Variants in DCLRE1C observed in about 807,000 individuals in gnomAD.
DCLRE1C encodes protein artemis.
Under a neutral mutation model 61.4 loss-of-function variants are expected in DCLRE1C, and 47 were observed. The ratio of observed to expected loss-of-function variants is 0.77; its 90% CI spans 0.61 to 0.98. The LOEUF (loss-of-function observed/expected upper bound fraction) is 0.98, where lower values mean the gene tolerates loss of function less well. Ranked by LOEUF, DCLRE1C falls within the 50% of genes least tolerant of loss-of-function variation. The probability of loss-of-function intolerance (pLI) is 0.00; values close to 1 mark genes in which losing one functional copy is unlikely to be tolerated. For missense variants in DCLRE1C, 858 were observed against 816.0 expected (o/e 1.05, Z -0.63); for synonymous variants, 337 against 287.6 (o/e 1.17, Z -1.74).
intron 12 of DCLRE1C, chr10:14,920,382 C>T: frequency 9.8e-7 from 1 of 1,020,058 alleles, no homozygotes; most frequent in Non-Finnish European, 1.2e-6. Context: ...CGTCCTACCC[C>T]TTTCGAAGGC....
intron 1 of DCLRE1C, among the ~76,000 whole-genome samples, chr10:14,951,449 A>AT (rs1188431056): frequency 1.4e-5 from 2 of 142,554 alleles, no homozygotes; most frequent in Admixed American, 7.4e-5. Flanking sequence ...GTTTCCATGC[A>AT]TTTTTTCTAG....
At chr10:14,937,930 G>A (rs1439095758) in intron 4 of DCLRE1C, among the ~76,000 whole-genome samples, 1 of 151,388 alleles carries the variant, frequency 6.6e-6, no homozygotes, top group African/African-American at 2.4e-5. Flanking sequence ...TTAAAGCCTG[G>A]ATGAGGCCTG....
chr10:14,904,293 A>G (rs1834213262), downstream of DCLRE1C: 1 of 149,454 alleles, frequency 6.7e-6, no homozygotes, highest in Non-Finnish European at 1.5e-5. Flanking sequence ...TGACACAGTA[A>G]GACTGTCTCC....
intron 4 of DCLRE1C, among the ~76,000 whole-genome samples, chr10:14,937,073 C>T (rs1190248049): frequency 6.6e-6 from 1 of 152,160 alleles, no homozygotes; most frequent in Non-Finnish European, 1.5e-5. Flanking sequence ...TATGATTCCA[C>T]TCATATGAAA....
In DCLRE1C at chr10:14,933,287, T is replaced by C. The variant is rs539209116; in HGVS notation, c.679-332A>G. Among the ~76,000 whole-genome samples, 5 of 152,312 alleles carry C rather than the reference T, an allele frequency of 3.3e-5. No homozygotes were observed. In the East Asian group the frequency reaches 7.7e-4, roughly 23 times the overall value. On this transcript the variant is annotated intron_variant, in intron 8 of 13. Coordinates refer to ENST00000378278, the MANE Select transcript of DCLRE1C (RefSeq NM_001033855.3). ...TCGTACACCTACTATGTGTCGAGCT[T>C]TATTCTAAATGCTGGGAATAAAGCA...
At chr10:14,911,540 A>G (rs1835260986) in intron 13 of DCLRE1C, among the ~76,000 whole-genome samples, 1 of 152,172 alleles carries the variant, frequency 6.6e-6, no homozygotes, top group South Asian at 2.1e-4. Flanking sequence ...ATTATGTAAC[A>G]TGGGAGTCAA....
At position 14,905,390 on chromosome 10, in the gene DCLRE1C, A is replaced by G. The variant is rs143963497; in HGVS notation, c.*3018T>C. On this transcript the variant is annotated 3_prime_UTR_variant, in exon 14 of 14. Coordinates refer to ENST00000378278, the MANE Select transcript of DCLRE1C (RefSeq NM_001033855.3). ...ATGGTAAGTACTGCCTAGAAATGCA[A>G]AGGAATTTTAGAATTCAGAGCTCAT... is the stretch of plus-strand genomic sequence containing the variant. Among the ~76,000 whole-genome samples the G allele has an allele frequency of 1.2e-4, 18 of 152,362 alleles. No individual in the cohort carries two copies. Among genetic ancestry groups the G allele is most frequent in the Non-Finnish European group, 2.1e-4 (14 of 68,036 alleles).
In DCLRE1C at chr10:14,923,442, C is replaced by T. The variant is rs1160501431; in HGVS notation, c.973-373G>A. ...GGTCAGTTGCTTATGTTTAACAAATCCCTTTTCAAATAAGTTAGAATTTAG... is the reference window on the plus strand; with the variant it reads ...GGTCAGTTGCTTATGTTTAACAAATTCCTTTTCAAATAAGTTAGAATTTAG... On this transcript the variant is annotated intron_variant, in intron 11 of 13. Coordinates refer to ENST00000378278, the MANE Select transcript of DCLRE1C (RefSeq NM_001033855.3). 3.1e-5 allele frequency: 8 copies of T among 260,878 alleles called. No homozygotes were observed. The Admixed American group carries it at 4.1e-4, about 13-fold the overall frequency. The allele number at this position is 260,878 out of a possible 1,614,324, so 16.2% of individuals were successfully genotyped here.
intron 2 of DCLRE1C, among the ~76,000 whole-genome samples, chr10:14,948,712 T>A (rs1323618365): frequency 6.9e-6 from 1 of 145,860 alleles, no homozygotes; most frequent in Non-Finnish European, 1.5e-5. Context: ...TCCATCTCTG[T>A]TTTTTTTGTT....
rs1218763115 is a variant in DCLRE1C, at chr10:14,908,978, A to T, written c.1509T>A (p.Ser503Arg). 1 of 1,613,638 alleles carries T rather than the reference A, an allele frequency of 6.2e-7. No individual in the cohort carries two copies. The highest frequency in any genetic ancestry group is 8.5e-7 in the Non-Finnish European group (1 of 1,179,938). ...FKRNDEITDE[S>R]LENFPSSTVA... ...CTGTGGAGGAAGGGAAGTTTTCCAA[A>T]CTCTCATCTGTGATTTCATCATTTC... Residue 503 changes from serine (S) to arginine (R), a missense_variant, in exon 14 of 14, where the codon AGT (serine) becomes AGA (arginine). Physicochemically the swap from Ser to Arg is moderately radical, Grantham distance 110. Transcript: ENST00000378278.
At chr10:14,912,402 A>C in intron 13 of DCLRE1C, among the ~76,000 whole-genome samples, 1 of 152,168 alleles carries the variant, frequency 6.6e-6, no homozygotes, top group East Asian at 1.9e-4. Context: ...GGGCAGCCCA[A>C]GCCAACTATA....
At chr10:14,900,077 G>A (rs1833894600), downstream of DCLRE1C, among the ~76,000 whole-genome samples, 1 of 152,116 alleles carries the variant, frequency 6.6e-6, no homozygotes, top group Admixed American at 6.5e-5. Flanking sequence ...ACAACTGAAG[G>A]TAAATGTATT....
chr10:14,942,694 C>G (rs1385222932), intron 3 of DCLRE1C, among the ~76,000 whole-genome samples: 1 of 152,168 alleles, frequency 6.6e-6, no homozygotes, highest in African/African-American at 2.4e-5. Flanking sequence ...GAGCAAGTAG[C>G]CCTGGTTTCC....
intron 3 of DCLRE1C, among the ~76,000 whole-genome samples, chr10:14,940,375 G>A (rs1290139282): frequency 3.3e-5 from 5 of 149,446 alleles, no homozygotes; most frequent in South Asian, 2.1e-4. Context: ...TGCAACCACC[G>A]CCTCCTGGGT....
At chr10:14,939,700 G>T (rs1840555253) in intron 4 of DCLRE1C, 110 bp downstream of exon 4, 1 of 862,494 alleles carries the variant, frequency 1.2e-6, no homozygotes, top group African/African-American at 1.7e-5. Context: ...GAGAAAGATT[G>T]AGGGTATAGC....
chr10:14,920,449 A>G (rs990469905), intron 12 of DCLRE1C: 104 of 1,002,464 alleles, frequency 1.0e-4, no homozygotes, highest in Admixed American at 2.1e-4. Flanking sequence ...GATGATCTAC[A>G]ACATACCATT....
chr10:14,948,724 C>A (rs1842031932), intron 2 of DCLRE1C, among the ~76,000 whole-genome samples: 1 of 149,752 alleles, frequency 6.7e-6, no homozygotes, highest in African/African-American at 2.5e-5. Context: ...TTTTTTGTTG[C>A]TGTCGTTGTT....
chr10:14,931,845 C>G (rs942525585), intron 9 of DCLRE1C, among the ~76,000 whole-genome samples: 2 of 152,074 alleles, frequency 1.3e-5, no homozygotes, highest in Non-Finnish European at 1.5e-5. Flanking sequence ...TCAAGACCCC[C>G]CTGGCCAACA....
At chr10:14,943,607 T>C (rs397835041) in intron 3 of DCLRE1C, among the ~76,000 whole-genome samples, 6 of 152,166 alleles carry the variant, frequency 3.9e-5, no homozygotes, top group Admixed American at 6.5e-5. Flanking sequence ...GGCTGGAGTG[T>C]AGTGGCACGA....
Sources: allele counts gnomAD v4.1 joint callset (sites outside exome capture counted in the v4.1 genomes callset), GRCh38; gene constraint gnomAD v4.1.1; transcripts MANE v1.5; gene names NCBI Gene and HGNC (gene_info 2026-07-23, HGNC 2026-07-21).